Variants in ALMS1 observed in about 807,000 individuals in gnomAD.
ALMS1 encodes centrosome-associated protein ALMS1.
In ALMS1, 271 loss-of-function variants were observed where a neutral mutation model predicts 352.2. That is an observed-to-expected ratio of 0.77 (90% CI 0.70 to 0.85). ALMS1 has a LOEUF of 0.85. Among genes scored for constraint, ALMS1 ranks in the 40% least tolerant of loss-of-function variants. The pLI is 0.00. For missense variants in ALMS1, 5,445 were observed against 4,870.7 expected (o/e 1.12, Z -3.51); for synonymous variants, 1,865 against 1,761.2 (o/e 1.06, Z -1.48).
intron 9 of ALMS1, among the ~76,000 whole-genome samples, chr2:73,487,848 A>T (rs1572967325): frequency 6.6e-6 from 1 of 151,948 alleles, no homozygotes; most frequent in South Asian, 2.1e-4. Flanking sequence ...TAGAGTGGGT[A>T]GCTCCTACCT....
chr2:73,432,367 A>G (rs1671517811), intron 7 of ALMS1, 76 bp downstream of exon 7: 3 of 1,035,676 alleles, frequency 2.9e-6, no homozygotes, highest in Non-Finnish European at 4.4e-6. Context: ...GGTCTATCTA[A>G]TTTTGTATTT....
At chr2:73,536,550 A>G (rs1429040864) in intron 12 of ALMS1, among the ~76,000 whole-genome samples, 1 of 151,606 alleles carries the variant, frequency 6.6e-6, no homozygotes, top group Admixed American at 6.6e-5. Flanking sequence ...CCTTTCTTAG[A>G]CCAGTAGACC....
intron 13 of ALMS1, among the ~76,000 whole-genome samples, chr2:73,551,056 G>A (rs937279937): frequency 1.3e-5 from 2 of 151,896 alleles, no homozygotes; most frequent in Admixed American, 1.3e-4. Flanking sequence ...TGGGGGTCTC[G>A]CTATGTTGCC....
At chr2:73,569,176 G>C (rs1312407751) in intron 15 of ALMS1, among the ~76,000 whole-genome samples, 1 of 151,642 alleles carries the variant, frequency 6.6e-6, no homozygotes, top group African/African-American at 2.4e-5. Context: ...CACCGCACCT[G>C]GCTAATTTTT....
In ALMS1 at chr2:73,554,490, G is replaced by A. The variant is rs182332543; in HGVS notation, c.10079-2730G>A. 7.9e-3 allele frequency among the ~76,000 whole-genome samples: 1,207 copies of A among 151,978 alleles called. 14 individuals are homozygous for A. Among genetic ancestry groups the A allele is most frequent in the African/African-American group, 0.028 (1,157 of 41,422 alleles). On this transcript the variant is annotated intron_variant, in intron 13 of 22. Coordinates refer to ENST00000613296, the MANE Select transcript of ALMS1 (RefSeq NM_001378454.1). ...GGGGGCCAAGGCGGGTGGATCACGA[G>A]GTCAGGAGATCGAGACCATCCTGGC...
chr2:73,534,738 G>A, intron 11 of ALMS1, 86 bp from the exon 12 acceptor site: 1 of 1,440,474 alleles, frequency 6.9e-7, no homozygotes, highest in Non-Finnish European at 9.7e-7. Flanking sequence ...CATGAACACT[G>A]CCTGAAACAT....
Position 73,453,773 on chromosome 2 carries a change from A to G in ALMS1, c.7246A>G (p.Ser2416Gly), listed in dbSNP as rs1464955491. 2.0e-5 allele frequency: 32 copies of G among 1,614,038 alleles called. No individual in the cohort carries two copies. The South Asian group carries it at 2.3e-4, about 12-fold the overall frequency. ...GATGACTGTCATAAAAAGTGATTCAAGTAGTGATGCCAGTGATGGAAATGG... is the reference window on the plus strand; with the variant it reads ...GATGACTGTCATAAAAAGTGATTCAGGTAGTGATGCCAGTGATGGAAATGG... Reference protein sequence around the residue: ...PMMTVIKSDSSSDASDGNGSC... With the variant: ...PMMTVIKSDSGSDASDGNGSC... The change falls in exon 8 of 23, where the codon AGT becomes GGT. Residue 2416 changes from serine (S) to glycine (G), a missense_variant. Physicochemically the swap from Ser to Gly is moderately conservative, Grantham distance 56. Transcript: ENST00000613296.
At position 73,448,811 on chromosome 2, in the gene ALMS1, A is replaced by G. The variant is rs749520351; in HGVS notation, c.2284A>G (p.Ser762Gly). 2.5e-6 allele frequency: 4 copies of G among 1,614,056 alleles called. No homozygotes were observed. In the East Asian group the frequency reaches 6.7e-5, roughly 27 times the overall value. Residue 762 changes from serine to glycine, a missense_variant, in exon 8 of 23, where the codon AGT (serine) becomes GGT (glycine). Ser to Gly is a moderately conservative substitution (Grantham distance 56). Coordinates refer to ENST00000613296, the MANE Select transcript of ALMS1 (RefSeq NM_001378454.1). ...GACTGAGATACCAGCAGTACAGTCTAGTTCTTACTCACAAAGAGAAAAGCC... is the reference window on the plus strand; with the variant it reads ...GACTGAGATACCAGCAGTACAGTCTGGTTCTTACTCACAAAGAGAAAAGCC... ...QKTEIPAVQSSSYSQREKPSI... is the reference protein window; with the variant it reads ...QKTEIPAVQSGSYSQREKPSI...
chr2:73,602,502 C>A (rs1675721520), intron 20 of ALMS1, 134 bp downstream of exon 20: 1 of 1,056,510 alleles, frequency 9.5e-7, no homozygotes, highest in Non-Finnish European at 1.4e-6. Flanking sequence ...TGCCAAGACT[C>A]AAACCTTCTT....
chr2:73,450,867 A>G lies in ALMS1; in HGVS notation c.4340A>G (p.His1447Arg). 1 of 1,614,150 alleles carries G rather than the reference A, an allele frequency of 6.2e-7. No homozygotes were observed. Among genetic ancestry groups the G allele is most frequent in the Non-Finnish European group, 8.5e-7 (1 of 1,179,996 alleles). ...SFYQQVLPHS[H>R]LPEEALEVSV... ...TACCAACAGGTCTTGCCACATAGTC[A>G]TCTACCTGAAGAGGCTTTGGAAGTT... is the stretch of plus-strand genomic sequence containing the variant. The change falls in exon 8 of 23, where the codon CAT becomes CGT. Residue 1447 changes from histidine to arginine, a missense_variant. Transcript: ENST00000613296.
chr2:73,394,757 C>T (rs1670719094), intron 1 of ALMS1, among the ~76,000 whole-genome samples: 1 of 151,974 alleles, frequency 6.6e-6, no homozygotes, highest in Non-Finnish European at 1.5e-5. Context: ...CATTGTTGTG[C>T]AAACATCATA....
At chr2:73,494,579 C>CT (rs148428421) in intron 10 of ALMS1, among the ~76,000 whole-genome samples, 5,863 of 152,170 alleles carry the variant, frequency 0.039, 169 homozygotes, top group Non-Finnish European at 0.059. Context: ...GTTTCCCAGT[C>CT]TTTTTTTGTC....
chr2:73,597,005 GATTA>G (rs1276182877), intron 16 of ALMS1, among the ~76,000 whole-genome samples: 1 of 151,170 alleles, frequency 6.6e-6, no homozygotes, highest in African/African-American at 2.4e-5. Context: ...AGAATCAACA[GATTA>G]ATTTGGGGAT....
chr2:73,452,879 G>A lies in ALMS1; in HGVS notation c.6352G>A (p.Val2118Met), dbSNP rs1367657966. Residue 2118 changes from valine (V) to methionine (M), a missense_variant, in exon 8 of 23, where the codon GTG becomes ATG. Physicochemically the swap from Val to Met is conservative, Grantham distance 21. Coordinates refer to ENST00000613296, the MANE Select transcript of ALMS1 (RefSeq NM_001378454.1). The stretch of plus-strand genomic sequence containing the variant: ...GCCAGGTAGTCATGTAACTGAAGAT[G>A]TGCTGAAGGTTTCAACAATTCCTGG... ...ELPGSHVTED[V>M]LKVSTIPGPA... 6.2e-7 allele frequency: 1 copy of A among 1,613,840 alleles called. No individual in the cohort carries two copies. The highest frequency in any genetic ancestry group is 1.1e-5 in the South Asian group (1 of 91,078).
chr2:73,605,564 G>A (rs1404474524), intron 21 of ALMS1, among the ~76,000 whole-genome samples: 1 of 152,208 alleles, frequency 6.6e-6, no homozygotes, highest in Non-Finnish European at 1.5e-5. Flanking sequence ...GCTACCACTT[G>A]TCAGCCAGGC....
intron 10 of ALMS1, among the ~76,000 whole-genome samples, chr2:73,510,088 T>G (rs1459687093): frequency 6.6e-6 from 1 of 152,228 alleles, no homozygotes; most frequent in Non-Finnish European, 1.5e-5. Flanking sequence ...TGTTCATCTC[T>G]AAACTGGTTA....
rs756176783 is a variant in ALMS1, at chr2:73,448,634, G to C, written c.2107G>C (p.Asp703His). ...LKVSAVSGPADQKTGTATVLS... is the reference protein window; with the variant it reads ...LKVSAVSGPAHQKTGTATVLS... ...AGTCTCAGCTGTGTCTGGACCAGCT[G>C]ACCAGAAGACTGGGACAGCAACAGT... The change falls in exon 8 of 23, where the codon GAC becomes CAC. Residue 703 changes from aspartate to histidine, a missense_variant. Coordinates refer to ENST00000613296, the MANE Select transcript of ALMS1 (RefSeq NM_001378454.1). 6.2e-6 allele frequency: 10 copies of C among 1,613,654 alleles called. No individual in the cohort carries two copies. The Admixed American group carries it at 1.7e-4, about 27-fold the overall frequency.
At chr2:73,409,939 C>G (rs1269057391) in intron 2 of ALMS1, among the ~76,000 whole-genome samples, 1 of 152,184 alleles carries the variant, frequency 6.6e-6, no homozygotes, top group East Asian at 1.9e-4. Flanking sequence ...GTAGAATACC[C>G]TCCAGCTGGA....
chr2:73,450,017 A>T lies in ALMS1; in HGVS notation c.3490A>T (p.Ile1164Leu). The T allele has an allele frequency of 1.2e-6, 2 of 1,613,318 alleles. No homozygotes were observed. The highest frequency in any genetic ancestry group is 1.1e-5 in the South Asian group (1 of 91,044). ...CCAGCAGGCCTTGCCAGGTACTCAT[A>T]TACCTGAAGAGGCTCAGAAAGTTTC... The part of the protein sequence containing the change: ...FHQQALPGTH[I>L]PEEAQKVSAV... Residue 1164 changes from isoleucine to leucine, a missense_variant, in exon 8 of 23, where the codon ATA becomes TTA. By Grantham distance (5) the Ile-to-Leu change is conservative. Coordinates refer to ENST00000613296, the MANE Select transcript of ALMS1 (RefSeq NM_001378454.1).
Sources: gnomAD v4.1 joint callset for allele counts (sites outside exome capture counted in the v4.1 genomes callset) on GRCh38, gnomAD v4.1.1 for gene constraint, MANE v1.5 for transcripts, NCBI Gene and HGNC (gene_info 2026-07-23, HGNC 2026-07-21) for gene names.